The following HS6ST3 variants were observed in gnomAD, a reference collection of about 807,000 sequenced individuals.
HS6ST3 encodes the protein heparan-sulfate 6-O-sulfotransferase 3.
HS6ST3 carries 12 observed loss-of-function variants against 36.7 expected under a neutral mutation model. That is an observed-to-expected ratio of 0.33 (90% confidence interval 0.21 to 0.53). HS6ST3 has a LOEUF of 0.53. Among genes scored for constraint, HS6ST3 ranks in the 20% least tolerant of loss-of-function variants. The probability of loss-of-function intolerance (pLI) is 0.95; values close to 1 mark genes in which losing one functional copy is unlikely to be tolerated. For missense variants in HS6ST3, 584 were observed against 640.9 expected (o/e 0.91, Z 0.96); for synonymous variants, 240 against 257.5 (o/e 0.93, Z 0.65).
chr13:96,482,739 G>A (rs900141439), intron 1 of HS6ST3, among the ~76,000 whole-genome samples: 8 of 152,180 alleles, frequency 5.3e-5, no homozygotes, highest in African/African-American at 1.9e-4. Flanking sequence ...CTACGGAAGG[G>A]TGCAAAACTA....
chr13:96,748,924 T>G (rs577657672), intron 1 of HS6ST3, among the ~76,000 whole-genome samples: 1 of 152,264 alleles, frequency 6.6e-6, no homozygotes, highest in Admixed American at 6.5e-5. Flanking sequence ...CCTACAAATT[T>G]CTGGTCTCTC....
intron 1 of HS6ST3, among the ~76,000 whole-genome samples, chr13:96,692,119 A>G (rs1324363458): frequency 6.6e-6 from 1 of 152,160 alleles, no homozygotes; most frequent in Non-Finnish European, 1.5e-5. Flanking sequence ...AGTCATTCAA[A>G]CAAATATTTC....
intron 1 of HS6ST3, among the ~76,000 whole-genome samples, chr13:96,230,629 G>C (rs2054503444): frequency 6.6e-6 from 1 of 152,100 alleles, no homozygotes; most frequent in African/African-American, 2.4e-5. Flanking sequence ...TATCTGGGAG[G>C]AGCATAGGAG....
intron 1 of HS6ST3, among the ~76,000 whole-genome samples, chr13:96,395,780 A>C (rs1488179084): frequency 6.6e-6 from 1 of 152,154 alleles, no homozygotes; most frequent in Non-Finnish European, 1.5e-5. Flanking sequence ...TTATATGCAC[A>C]CTGCCTTGGG....
intron 1 of HS6ST3, among the ~76,000 whole-genome samples, chr13:96,525,113 T>G (rs2056108559): frequency 1.3e-5 from 2 of 152,254 alleles, no homozygotes; most frequent in African/African-American, 4.8e-5. Flanking sequence ...AAGTTCTCTT[T>G]GTTTTCTGGA....
intron 1 of HS6ST3, among the ~76,000 whole-genome samples, chr13:96,386,385 C>T (rs1384621979): frequency 6.6e-6 from 1 of 152,168 alleles, no homozygotes; most frequent in Non-Finnish European, 1.5e-5. Flanking sequence ...TGCCTTTGCC[C>T]TAAGCCAATG....
chr13:96,663,606 A>T (rs192414177), intron 1 of HS6ST3, among the ~76,000 whole-genome samples: 354 of 152,340 alleles, frequency 2.3e-3, no homozygotes, highest in Non-Finnish European at 4.1e-3. Flanking sequence ...TTTCCTAACA[A>T]GTTAAATATA....
intron 1 of HS6ST3, among the ~76,000 whole-genome samples, chr13:96,369,730 A>C (rs1321481181): frequency 1.3e-5 from 2 of 152,206 alleles, no homozygotes; most frequent in African/African-American, 4.8e-5. Context: ...AAAGTGGAGC[A>C]GAAGGTATAA....
intron 1 of HS6ST3, among the ~76,000 whole-genome samples, chr13:96,400,204 C>CACATATACACACAG (rs1409064395): frequency 6.7e-6 from 1 of 148,264 alleles, no homozygotes; most frequent in Admixed American, 6.8e-5. Flanking sequence ...TATGCAGACA[C>CACATATACACACAG]ACATATACAC....
intron 1 of HS6ST3, among the ~76,000 whole-genome samples, chr13:96,349,738 A>C (rs1457115236): frequency 1.3e-5 from 2 of 152,236 alleles, no homozygotes; most frequent in African/African-American, 4.8e-5. Context: ...AAAGAGGAAG[A>C]GAAAAATTTT....
At chr13:96,194,834 T>G (rs1027640953) in intron 1 of HS6ST3, among the ~76,000 whole-genome samples, 1 of 152,252 alleles carries the variant, frequency 6.6e-6, no homozygotes, top group Admixed American at 6.5e-5. Flanking sequence ...TTGACTTCTT[T>G]AGACTCACAT....
chr13:96,299,392 G>A (rs2054870639), intron 1 of HS6ST3, among the ~76,000 whole-genome samples: 1 of 152,146 alleles, frequency 6.6e-6, no homozygotes, highest in Admixed American at 6.6e-5. Context: ...ACTTCTAGAT[G>A]TAGTACTTGA....
At chr13:96,483,423 G>C (rs888801698) in intron 1 of HS6ST3, among the ~76,000 whole-genome samples, 3 of 152,208 alleles carry the variant, frequency 2.0e-5, no homozygotes, top group Admixed American at 2.0e-4. Flanking sequence ...TTTGGGATGG[G>C]GCAGAAGAGG....
chr13:96,743,046 C>T (rs945633216), intron 1 of HS6ST3, among the ~76,000 whole-genome samples: 1 of 151,982 alleles, frequency 6.6e-6, no homozygotes, highest in Non-Finnish European at 1.5e-5. Flanking sequence ...AAAAGAAAAA[C>T]GTGGCTGATT....
intron 1 of HS6ST3, among the ~76,000 whole-genome samples, chr13:96,147,375 G>A (rs1218201795): frequency 1.3e-5 from 2 of 152,158 alleles, no homozygotes; most frequent in East Asian, 3.9e-4. Flanking sequence ...TGGTTGTCAC[G>A]ATAAGAAGTC....
chr13:96,115,069 T>G (rs2053887720), intron 1 of HS6ST3, among the ~76,000 whole-genome samples: 1 of 152,178 alleles, frequency 6.6e-6, no homozygotes, highest in Non-Finnish European at 1.5e-5. Context: ...CCTGCCTCCA[T>G]TTCTGTGTGC....
At chr13:96,627,460 A>G (rs1381943854) in intron 1 of HS6ST3, among the ~76,000 whole-genome samples, 6 of 151,968 alleles carry the variant, frequency 3.9e-5, no homozygotes, top group African/African-American at 1.4e-4. Context: ...CTATATATCC[A>G]TGATTTGTAT....
intron 1 of HS6ST3, among the ~76,000 whole-genome samples, chr13:96,233,591 G>A (rs1015634888): frequency 6.6e-6 from 1 of 152,174 alleles, no homozygotes. Context: ...TGAAGATAAA[G>A]CCAGTTATGA....
intron 1 of HS6ST3, among the ~76,000 whole-genome samples, chr13:96,611,782 C>T (rs2056457792): frequency 6.6e-6 from 1 of 152,160 alleles, no homozygotes; most frequent in Admixed American, 6.5e-5. Flanking sequence ...ATGGGTCAAG[C>T]TTGGCTCAGG....
Sources: gnomAD v4.1 joint callset for allele counts (sites outside exome capture counted in the v4.1 genomes callset) on GRCh38, gnomAD v4.1.1 for gene constraint, MANE v1.5 for transcripts, NCBI Gene and HGNC (gene_info 2026-07-23, HGNC 2026-07-21) for gene names.